NXPH1: variants seen among roughly 807,000 people sequenced by gnomAD.
The protein encoded by NXPH1 is neurexophilin-1.
Under a neutral mutation model 23.7 loss-of-function variants are expected in NXPH1, and 5 were observed. The observed-to-expected ratio is 0.21, with a 90% CI of 0.11 to 0.44. The LOEUF (loss-of-function observed/expected upper bound fraction) is 0.44. NXPH1 is among the 20% of genes least tolerant of loss of function. The pLI, the probability that NXPH1 is intolerant of heterozygous loss-of-function variation, is 0.99. For missense variants in NXPH1, 324 were observed against 321.6 expected (o/e 1.01, Z -0.06); for synonymous variants, 144 against 122.2 (o/e 1.18, Z -1.18).
intron 2 of NXPH1, among the ~76,000 whole-genome samples, chr7:8,523,271 A>C (rs553215093): frequency 6.6e-6 from 1 of 152,322 alleles, no homozygotes; most frequent in East Asian, 1.9e-4. Context: ...GCCTCATAAC[A>C]GGCACACTCA....
At chr7:8,592,814 T>C (rs769514956) in intron 2 of NXPH1, among the ~76,000 whole-genome samples, 14 of 149,746 alleles carry the variant, frequency 9.3e-5, no homozygotes, top group Non-Finnish European at 2.1e-4. Flanking sequence ...TTTTCACATA[T>C]TGTGAAATAG....
intron 2 of NXPH1, among the ~76,000 whole-genome samples, chr7:8,564,968 C>G (rs1320328170): frequency 2.0e-5 from 3 of 151,722 alleles, no homozygotes; most frequent in Non-Finnish European, 2.9e-5. Flanking sequence ...TGTGTCCTCT[C>G]AGGAAGTAAA....
rs192118530 is a variant in NXPH1, at chr7:8,615,121, T to A, written c.55-135887T>A. ...GTATGACGCTGATTGGAATTGTTTCTATTGGGGGAAAATGTACGAATTAGA... is the reference window on the plus strand; with the variant it reads ...GTATGACGCTGATTGGAATTGTTTCAATTGGGGGAAAATGTACGAATTAGA... On this transcript the variant is annotated intron_variant, in intron 2 of 2. Coordinates refer to ENST00000405863, the MANE Select transcript of NXPH1 (RefSeq NM_152745.3). Among the ~76,000 whole-genome samples, 370 of 152,174 alleles carry A rather than the reference T, an allele frequency of 2.4e-3. 1 individual carries two copies. The highest frequency in any genetic ancestry group is 8.3e-3 in the South Asian group (40 of 4,824).
chr7:8,531,211 A>G (rs1817943842), intron 2 of NXPH1, among the ~76,000 whole-genome samples: 2 of 152,130 alleles, frequency 1.3e-5, no homozygotes, highest in Non-Finnish European at 2.9e-5. Context: ...ATCCTCCATA[A>G]CTATGAGCTA....
chr7:8,441,881 C>T (rs1237079219), intron 2 of NXPH1, among the ~76,000 whole-genome samples: 1 of 123,658 alleles, frequency 8.1e-6, no homozygotes, highest in East Asian at 2.5e-4. Flanking sequence ...CTGCAAAGAG[C>T]TTTCCCTAGT....
At chr7:8,584,491 T>G (rs1197582957) in intron 2 of NXPH1, among the ~76,000 whole-genome samples, 1 of 152,190 alleles carries the variant, frequency 6.6e-6, no homozygotes, top group Non-Finnish European at 1.5e-5. Flanking sequence ...AAAAGATGAA[T>G]AAGATTTCCT....
chr7:8,501,875 G>C (rs1332962703), intron 2 of NXPH1, among the ~76,000 whole-genome samples: 2 of 152,112 alleles, frequency 1.3e-5, no homozygotes, highest in African/African-American at 2.4e-5. Flanking sequence ...ACGGCAATTA[G>C]AGGGTAAGGC....
rs903272472 is a variant in NXPH1 at position 8,442,813 on chromosome 7, A to G, written c.54+7046A>G. ...CGTCCGGAGCCCAAGTCCCCATGCAAAAGCGCTGTTTCTGGGTAATTTTCG... is the reference window on the plus strand; with the variant it reads ...CGTCCGGAGCCCAAGTCCCCATGCAGAAGCGCTGTTTCTGGGTAATTTTCG... On this transcript the variant is annotated intron_variant, in intron 2 of 2. Coordinates refer to ENST00000405863, the MANE Select transcript of NXPH1 (RefSeq NM_152745.3). The surrounding 1 kb of genome is among the most constrained non-coding windows in gnomAD (Gnocchi z 4.6). Among the ~76,000 whole-genome samples the G allele has an allele frequency of 2.0e-5, 3 of 152,046 alleles. No homozygotes were observed. The highest frequency in any genetic ancestry group is 7.2e-5 in the African/African-American group (3 of 41,430).
chr7:8,535,712 G>A (rs2128617834), intron 2 of NXPH1, among the ~76,000 whole-genome samples: 2 of 151,786 alleles, frequency 1.3e-5, no homozygotes, highest in Middle Eastern at 6.8e-3. Flanking sequence ...GAGTGACTGG[G>A]GTGTTCTTTT....
intron 2 of NXPH1, among the ~76,000 whole-genome samples, chr7:8,447,568 G>A (rs538912322): frequency 7.9e-5 from 12 of 152,324 alleles, no homozygotes; most frequent in African/African-American, 2.9e-4. Context: ...CAAATAGGCA[G>A]CTACAATATC....
At chr7:8,560,010 C>A (rs995598413) in intron 2 of NXPH1, among the ~76,000 whole-genome samples, 2 of 151,610 alleles carry the variant, frequency 1.3e-5, no homozygotes, top group Non-Finnish European at 3.0e-5. Flanking sequence ...ATGCATTTGC[C>A]GTCTTTAGGC....
chr7:8,575,731 C>G (rs1387039632), intron 2 of NXPH1, among the ~76,000 whole-genome samples: 1 of 150,550 alleles, frequency 6.6e-6, no homozygotes, highest in East Asian at 1.9e-4. Context: ...TTAATTCTAC[C>G]AAAAGGTGAG....
intron 2 of NXPH1, among the ~76,000 whole-genome samples, chr7:8,724,645 A>G (rs1172825404): frequency 6.6e-6 from 1 of 152,136 alleles, no homozygotes; most frequent in Non-Finnish European, 1.5e-5. Context: ...TCATCTTATG[A>G]TGTTTGTATG....
In NXPH1 at chr7:8,644,994, G is replaced by A. The variant is rs1248509948; in HGVS notation, c.55-106014G>A. ...CATATTATTTGTGGGATTCATCCCT[G>A]TTGATAAATGCAGTTCTAATTTATT... On this transcript the variant is annotated intron_variant, in intron 2 of 2. Transcript: ENST00000405863. Among the ~76,000 whole-genome samples, 3 of 152,174 alleles carry A rather than the reference G, an allele frequency of 2.0e-5. No individual in the cohort carries two copies. The East Asian group carries it at 5.8e-4, about 29-fold the overall frequency.
chr7:8,696,183 C>A, intron 2 of NXPH1, among the ~76,000 whole-genome samples: 1 of 152,288 alleles, frequency 6.6e-6, no homozygotes, highest in African/African-American at 2.4e-5. Context: ...AACTAACTTA[C>A]GTTTTCTGGT....
At chr7:8,445,240 T>C (rs1246463750) in intron 2 of NXPH1, among the ~76,000 whole-genome samples, 1 of 152,234 alleles carries the variant, frequency 6.6e-6, no homozygotes, top group African/African-American at 2.4e-5. Context: ...ACTATCTCTC[T>C]GAGATCAGAC....
At chr7:8,454,876 G>C (rs1283349264) in intron 2 of NXPH1, among the ~76,000 whole-genome samples, 2 of 152,140 alleles carry the variant, frequency 1.3e-5, no homozygotes, top group African/African-American at 2.4e-5. Context: ...TTTCCTAGGA[G>C]CCACTGCATT....
chr7:8,573,766 C>T (rs1375979894), intron 2 of NXPH1, among the ~76,000 whole-genome samples: 6 of 152,022 alleles, frequency 3.9e-5, no homozygotes, highest in African/African-American at 1.2e-4. Flanking sequence ...GGATCATGAC[C>T]AAATAATATT....
chr7:8,717,892 G>GTATA (rs1408074927), intron 2 of NXPH1, among the ~76,000 whole-genome samples: 1 of 68,330 alleles, frequency 1.5e-5, no homozygotes, highest in Non-Finnish European at 2.4e-5. Context: ...TTCTCTCTGT[G>GTATA]TGTATATATA....
Sources: gnomAD v4.1 joint callset for allele counts (sites outside exome capture counted in the v4.1 genomes callset) on GRCh38, gnomAD v4.1.1 for gene constraint, Gnocchi (gnomAD v3.1) non-coding constraint, MANE v1.5 for transcripts, NCBI Gene and HGNC (gene_info 2026-07-23, HGNC 2026-07-21) for gene names.